ZNF804A: variants seen among roughly 807,000 people sequenced by gnomAD.
The protein encoded by ZNF804A is zinc finger protein 804A.
ZNF804A carries 2 observed loss-of-function variants against 16.5 expected under a neutral mutation model. That is an observed-to-expected ratio of 0.12 (90% CI 0.05 to 0.38). The LOEUF is 0.38. Ranked by LOEUF, ZNF804A falls within the 10% of genes least tolerant of loss-of-function variation. The pLI is 0.99. For synonymous variants in ZNF804A, 534 were observed against 489.6 expected (o/e 1.09, Z -1.20); for missense variants, 1,473 against 1,390.7 (o/e 1.06, Z -0.94).
intron 1 of ZNF804A, among the ~76,000 whole-genome samples, chr2:184,730,077 A>T (rs890386036): frequency 3.9e-5 from 6 of 152,140 alleles, no homozygotes; most frequent in African/African-American, 1.4e-4. Flanking sequence ...AAACTCCTTA[A>T]GAGATTATTT....
In ZNF804A at chr2:184,598,836, C is replaced by T. The variant is rs1337945925; in HGVS notation, c.-124C>T. On this transcript the variant is annotated 5_prime_UTR_variant, in exon 1 of 4. Transcript: ENST00000302277. ...GTGAGCCAGTCTCCAGAGGACGTGC[C>T]GGGGGTGGCTGCGTGCCCTCGTGGC... 1.6e-5 allele frequency: 8 copies of T among 501,714 alleles called. No individual in the cohort carries two copies. The East Asian group carries it at 2.6e-4, about 16-fold the overall frequency. The allele number at this position is 501,714 out of a possible 1,614,324, so 31.1% of individuals were successfully genotyped here.
intron 1 of ZNF804A, among the ~76,000 whole-genome samples, chr2:184,715,594 T>C (rs1014544968): frequency 5.3e-5 from 8 of 152,000 alleles, no homozygotes; most frequent in African/African-American, 1.9e-4. Flanking sequence ...AGTGATGAGG[T>C]CCAGCTATGT....
chr2:184,778,639 A>G, intron 1 of ZNF804A, among the ~76,000 whole-genome samples: 1 of 151,724 alleles, frequency 6.6e-6, no homozygotes, highest in East Asian at 1.9e-4. Context: ...AAAATATCAT[A>G]ACCAGAAATT....
chr2:184,710,432 T>C (rs769700329), intron 1 of ZNF804A, among the ~76,000 whole-genome samples: 67 of 151,808 alleles, frequency 4.4e-4, no homozygotes, highest in Non-Finnish European at 7.8e-4. Context: ...TTTTTGTGCC[T>C]TTAAACCACA....
chr2:184,835,582 C>T (rs910978087), intron 1 of ZNF804A, among the ~76,000 whole-genome samples: 1 of 151,572 alleles, frequency 6.6e-6, no homozygotes, highest in African/African-American at 2.4e-5. Context: ...AGTCAAGTCC[C>T]ACCTCCTACC....
chr2:184,925,720 T>A (rs1304880638), intron 2 of ZNF804A, among the ~76,000 whole-genome samples: 1 of 151,958 alleles, frequency 6.6e-6, no homozygotes, highest in Non-Finnish European at 1.5e-5. Flanking sequence ...TGTATATTTT[T>A]AAATTTGAGG....
chr2:184,793,862 G>T (rs568179739), intron 1 of ZNF804A, among the ~76,000 whole-genome samples: 1 of 152,140 alleles, frequency 6.6e-6, no homozygotes, highest in Non-Finnish European at 1.5e-5. Flanking sequence ...TAGAATGATG[G>T]TTTCCATTCT....
intron 1 of ZNF804A, among the ~76,000 whole-genome samples, chr2:184,608,958 A>G (rs1320548210): frequency 6.6e-6 from 1 of 152,230 alleles, no homozygotes; most frequent in Admixed American, 6.5e-5. Flanking sequence ...AGCAAAAAAG[A>G]AAAGAAGTTT....
intron 2 of ZNF804A, among the ~76,000 whole-genome samples, chr2:184,882,313 A>G (rs925132015): frequency 6.6e-6 from 1 of 152,092 alleles, no homozygotes; most frequent in Non-Finnish European, 1.5e-5. Context: ...GCAAGTTCCT[A>G]AAGACTTATG....
At position 184,866,249 on chromosome 2, in the gene ZNF804A, T is replaced by G. The variant is rs559266393; in HGVS notation, c.112-120T>G. The G allele has an allele frequency of 9.6e-5, 81 of 840,068 alleles. 1 individual carries two copies. The South Asian group carries it at 1.8e-3, about 19-fold the overall frequency. The allele number at this position is 840,068 out of a possible 1,614,324, so 52.0% of individuals were successfully genotyped here. A position where few individuals can be genotyped will look rare whatever the true frequency, so the allele number is the denominator to read the frequency against. ...CTTGGTTTTCTAGTATTTGCTTTCT[T>G]TTTCTCTTTGCTGTATTCTGTTTCT... On this transcript the variant is annotated intron_variant, in intron 1 of 3. Transcript: ENST00000302277.
At chr2:184,919,613 C>A (rs1685499925) in intron 2 of ZNF804A, among the ~76,000 whole-genome samples, 1 of 152,126 alleles carries the variant, frequency 6.6e-6, no homozygotes. Context: ...ATCCACATAC[C>A]CAATCCTTCT....
intron 1 of ZNF804A, among the ~76,000 whole-genome samples, chr2:184,688,302 G>T (rs1320686708): frequency 6.6e-6 from 1 of 151,560 alleles, no homozygotes; most frequent in South Asian, 2.1e-4. Flanking sequence ...CAAAATTTAT[G>T]TATCATTGGA....
At chr2:184,913,238 T>C (rs1685390696) in intron 2 of ZNF804A, among the ~76,000 whole-genome samples, 1 of 152,166 alleles carries the variant, frequency 6.6e-6, no homozygotes, top group South Asian at 2.1e-4. Context: ...TATGTTTACA[T>C]TGTGTATACA....
At chr2:184,865,769 T>C (rs975376630) in intron 1 of ZNF804A, among the ~76,000 whole-genome samples, 3 of 152,154 alleles carry the variant, frequency 2.0e-5, no homozygotes, top group African/African-American at 7.2e-5. Context: ...GGTAAATAAC[T>C]GAAATAACCG....
chr2:184,937,879 T>A lies in ZNF804A; in HGVS notation c.2483T>A (p.Leu828His). The A allele has an allele frequency of 6.2e-7, 1 of 1,614,062 alleles. No homozygotes were observed. ...CACCCCGGATTTGAAACTTTAGAAC[T>A]CAAAGAAAATACAGATTATCCCGTG... Reference protein sequence around the residue: ...RFHPGFETLELKENTDYPVKD... With the variant: ...RFHPGFETLEHKENTDYPVKD... The change falls in exon 4 of 4, where the codon CTC becomes CAC. Residue 828 changes from leucine to histidine, a missense_variant. Coordinates refer to ENST00000302277, the MANE Select transcript of ZNF804A (RefSeq NM_194250.2).
chr2:184,910,757 G>C (rs1305434998), intron 2 of ZNF804A, among the ~76,000 whole-genome samples: 1 of 151,804 alleles, frequency 6.6e-6, no homozygotes, highest in Admixed American at 6.6e-5. Context: ...GTGTTTGTTG[G>C]CCACTTGTAT....
chr2:184,839,268 A>T (rs1327273005), intron 1 of ZNF804A, among the ~76,000 whole-genome samples: 2 of 152,100 alleles, frequency 1.3e-5, no homozygotes, highest in Non-Finnish European at 2.9e-5. Flanking sequence ...ATGCCAATAA[A>T]TAAATGTATA....
chr2:184,740,386 C>T (rs1375372941), intron 1 of ZNF804A, among the ~76,000 whole-genome samples: 8 of 152,142 alleles, frequency 5.3e-5, no homozygotes, highest in Non-Finnish European at 8.8e-5. Context: ...GGCCTCTTTA[C>T]GGTGCTTACA....
chr2:184,928,836 G>A (rs550741070), intron 2 of ZNF804A, among the ~76,000 whole-genome samples: 3 of 152,172 alleles, frequency 2.0e-5, no homozygotes, highest in African/African-American at 4.8e-5. Context: ...TCAACATAAC[G>A]TCTCACAGTT....
Sources: gnomAD v4.1 joint callset for allele counts (sites outside exome capture counted in the v4.1 genomes callset) on GRCh38, gnomAD v4.1.1 for gene constraint, MANE v1.5 for transcripts, NCBI Gene and HGNC (gene_info 2026-07-23, HGNC 2026-07-21) for gene names.